CHM: variants seen among roughly 807,000 people sequenced by gnomAD.
CHM encodes the protein CHM Rab escort protein.
In CHM, 10 loss-of-function variants were observed where a neutral mutation model predicts 49.0. That is an observed-to-expected ratio of 0.20 (90% CI 0.13 to 0.35). The LOEUF is 0.35. CHM is among the 10% of genes least tolerant of loss of function. CHM has a pLI of 1.00. For synonymous variants in CHM, 184 were observed against 167.5 expected (o/e 1.10, Z -0.76); for missense variants, 455 against 478.4 (o/e 0.95, Z 0.46).
Position 85,975,707 on chromosome X carries a change from G to T in CHM, c.314+3060C>A, listed in dbSNP as rs767225118. On this transcript the variant is annotated intron_variant, in intron 4 of 14. Coordinates refer to ENST00000357749, the MANE Select transcript of CHM (RefSeq NM_000390.4). Reference sequence around the variant, plus strand: ...TGCTTACAGAAAAATAATAGTAGGGGTCCTTGTGGTGATAGAACTGTTCTG... The same window carrying T: ...TGCTTACAGAAAAATAATAGTAGGGTTCCTTGTGGTGATAGAACTGTTCTG... Among the ~76,000 whole-genome samples the T allele has an allele frequency of 2.0e-4, 23 of 112,243 alleles. No individual in the cohort carries two copies. In the South Asian group the frequency reaches 8.5e-3, roughly 41 times the overall value.
chrX:86,036,696 T>C (rs1025935447), intron 1 of CHM, among the ~76,000 whole-genome samples: 1 of 112,110 alleles, frequency 8.9e-6, no homozygotes, highest in Admixed American at 9.4e-5. Flanking sequence ...TGTCTCATAA[T>C]GTTAATGCCA....
At chrX:85,882,690 A>C (rs1290843500) in intron 12 of CHM, among the ~76,000 whole-genome samples, 1 of 111,946 alleles carries the variant, frequency 8.9e-6, no homozygotes, top group Admixed American at 9.5e-5. Flanking sequence ...GTAACAACAC[A>C]AAACTAGAAA....
At chrX:85,940,701 A>G (rs1232884541) in intron 8 of CHM, among the ~76,000 whole-genome samples, 2 of 111,737 alleles carry the variant, frequency 1.8e-5, no homozygotes, top group African/African-American at 6.5e-5. Flanking sequence ...ACAATTTAGT[A>G]TCTCAAACAT....
chrX:86,022,735 C>T (rs1421750234), intron 2 of CHM, among the ~76,000 whole-genome samples: 2 of 111,100 alleles, frequency 1.8e-5, no homozygotes, highest in African/African-American at 6.5e-5. Context: ...ATACACATAC[C>T]CACATACACA....
chrX:85,993,709 A>C (rs368835633), intron 2 of CHM, among the ~76,000 whole-genome samples: 34 of 112,102 alleles, frequency 3.0e-4, no homozygotes, highest in South Asian at 1.9e-3. Context: ...TTTCTCTGCC[A>C]TGCATCAGCC....
intron 13 of CHM, among the ~76,000 whole-genome samples, chrX:85,877,052 C>T (rs1342734275): frequency 9.1e-6 from 1 of 109,554 alleles, no homozygotes; most frequent in Non-Finnish European, 1.9e-5. Context: ...TAGTTAAAGC[C>T]AAAAGAAAAA....
intron 2 of CHM, among the ~76,000 whole-genome samples, chrX:86,024,580 CAGG>C (rs1244500437): frequency 8.9e-6 from 1 of 111,850 alleles, no homozygotes; most frequent in Non-Finnish European, 1.9e-5. Context: ...GAGATAAAGT[CAGG>C]AGGTTATGAG....
rs757640356 is a variant in CHM at position 85,910,821 on chromosome X, C to T, written c.1244+440G>A. On this transcript the variant is annotated intron_variant, in intron 9 of 14. Transcript: ENST00000357749. ...CAATAACAGAGGGCTTTGTTGTCAT[C>T]TGATGAAAATCAATTAGAGGAGGTA... is the stretch of plus-strand genomic sequence containing the variant. 2.2e-4 allele frequency among the ~76,000 whole-genome samples: 24 copies of T among 107,707 alleles called. 1 individual carries two copies. The South Asian group carries it at 9.5e-3, about 43-fold the overall frequency. The allele number at this position is 107,707 out of a possible 115,157, so 93.5% of individuals were successfully genotyped here.
chrX:85,873,223 A>G lies in CHM; in HGVS notation c.1610-11T>C. Reference sequence around the variant, plus strand: ...CTACTTGTTCATTTTCTAAATATAGAAATAAATTTTATTTACATTCTAAAA... The same window carrying G: ...CTACTTGTTCATTTTCTAAATATAGGAATAAATTTTATTTACATTCTAAAA... On this transcript the variant is annotated splice_polypyrimidine_tract_variant and intron_variant, in intron 13 of 14. Transcript: ENST00000357749. 1.8e-6 allele frequency: 2 copies of G among 1,096,345 alleles called. No individual in the cohort carries two copies. Among genetic ancestry groups the G allele is most frequent in the Non-Finnish European group, 2.5e-6 (2 of 805,686 alleles). The allele number at this position is 1,096,345 out of a possible 1,213,427, so 90.4% of individuals were successfully genotyped here.
chrX:85,906,298 C>T (rs902541902), intron 9 of CHM, among the ~76,000 whole-genome samples: 1 of 111,904 alleles, frequency 8.9e-6, no homozygotes, highest in Non-Finnish European at 1.9e-5. Context: ...GTCCAAATTC[C>T]TTATTAGCAT....
intron 1 of CHM, among the ~76,000 whole-genome samples, chrX:86,043,267 T>C (rs896074832): frequency 6.3e-5 from 7 of 111,776 alleles, no homozygotes; most frequent in Non-Finnish European, 1.1e-4. Context: ...GTGATTATCA[T>C]ACACCATGCT....
chrX:85,944,588 CT>C (rs1929302688), intron 8 of CHM, among the ~76,000 whole-genome samples: 1 of 111,863 alleles, frequency 8.9e-6, no homozygotes, highest in African/African-American at 3.2e-5. Context: ...ATATTTGTAA[CT>C]TTTGGCCTTC....
chrX:85,868,525 T>C (rs1294193231), intron 14 of CHM, among the ~76,000 whole-genome samples: 1 of 111,445 alleles, frequency 9.0e-6, no homozygotes, highest in Non-Finnish European at 1.9e-5. Flanking sequence ...CTGTTTTTAC[T>C]ATCTGTAAAA....
intron 14 of CHM, among the ~76,000 whole-genome samples, chrX:85,872,076 C>T (rs1924107616): frequency 9.0e-6 from 1 of 111,706 alleles, no homozygotes; most frequent in Admixed American, 9.6e-5. Flanking sequence ...GAAGAAAATA[C>T]ACAAGAATTC....
At chrX:85,933,085 G>C (rs1178291308) in intron 8 of CHM, among the ~76,000 whole-genome samples, 2 of 111,218 alleles carry the variant, frequency 1.8e-5, no homozygotes, top group African/African-American at 6.5e-5. Context: ...TGGTGTGCTT[G>C]TAGTCCCAGT....
chrX:85,937,093 C>T (rs1012329982), intron 8 of CHM, among the ~76,000 whole-genome samples: 31 of 109,240 alleles, frequency 2.8e-4, no homozygotes, highest in African/African-American at 1.0e-3. Flanking sequence ...AGTGAAACCC[C>T]GTCTCTACTA....
intron 2 of CHM, among the ~76,000 whole-genome samples, chrX:86,016,442 T>G (rs1346072840): frequency 1.8e-5 from 2 of 111,935 alleles, no homozygotes; most frequent in Admixed American, 9.4e-5. Flanking sequence ...ATCCCCCAGC[T>G]GTATGCAGCC....
intron 4 of CHM, among the ~76,000 whole-genome samples, chrX:85,976,230 G>T (rs1015095955): frequency 7.2e-5 from 8 of 111,605 alleles, no homozygotes; most frequent in African/African-American, 2.6e-4. Context: ...CTTCTGATAT[G>T]AAAAGCCACT....
chrX:86,030,518 A>G (rs1277159012), intron 1 of CHM, among the ~76,000 whole-genome samples: 1 of 111,925 alleles, frequency 8.9e-6, no homozygotes, highest in East Asian at 2.8e-4. Context: ...GAAGGGAGAG[A>G]GAGAACAAAC....
Sources: allele counts gnomAD v4.1 joint callset (sites outside exome capture counted in the v4.1 genomes callset), GRCh38; gene constraint gnomAD v4.1.1; transcripts MANE v1.5; gene names NCBI Gene and HGNC (gene_info 2026-07-23, HGNC 2026-07-21).